CCDC146: variants seen among roughly 807,000 people sequenced by gnomAD.
The protein encoded by CCDC146 is coiled-coil domain containing 146, also known as coiled-coil domain-containing protein 146.
A neutral mutation model predicts 119.3 loss-of-function variants in CCDC146; 92 were observed. The ratio of observed to expected loss-of-function variants is 0.77; its 90% CI spans 0.65 to 0.92. CCDC146 has a LOEUF of 0.92. Ranked by LOEUF, CCDC146 falls within the 40% of genes least tolerant of loss-of-function variation. The pLI is 0.00. For synonymous variants in CCDC146, 372 were observed against 371.8 expected (o/e 1.00, Z -0.01); for missense variants, 1,000 against 1,103.0 (o/e 0.91, Z 1.32).
At chr7:77,250,959 T>G (rs1293929945) in intron 4 of CCDC146, among the ~76,000 whole-genome samples, 6 of 149,490 alleles carry the variant, frequency 4.0e-5, no homozygotes, top group Non-Finnish European at 7.4e-5. Flanking sequence ...TACAGTGATT[T>G]TGATCTCTGG....
chr7:77,125,444 T>C (rs937522180), intron 1 of CCDC146, among the ~76,000 whole-genome samples: 13 of 151,878 alleles, frequency 8.6e-5, no homozygotes, highest in Admixed American at 8.5e-4. Flanking sequence ...ACAGTTGTTA[T>C]CTTTAAGCAG....
intron 1 of CCDC146, among the ~76,000 whole-genome samples, chr7:77,135,602 A>T (rs1790850803): frequency 6.6e-6 from 1 of 152,208 alleles, no homozygotes; most frequent in South Asian, 2.1e-4. Flanking sequence ...TGGTTTTGTT[A>T]TGCATTGTCT....
rs1356579216 is a variant in CCDC146, at chr7:77,280,533, A to C, written c.1799A>C (p.Glu600Ala). ...KIVSKLQEMK[E>A]KKEAQLNNID... ...GTATCAAAACTTCAGGAAATGAAAG[A>C]AAAGAAGGAAGCCCAGTTAAATAAC... is the stretch of plus-strand genomic sequence containing the variant. The change falls in exon 14 of 19, where the codon GAA becomes GCA. Residue 600 changes from glutamate (E) to alanine (A), a missense_variant. Physicochemically the swap from Glu to Ala is moderately radical, Grantham distance 107. Coordinates refer to ENST00000285871, the MANE Select transcript of CCDC146 (RefSeq NM_020879.3). 1.2e-6 allele frequency: 2 copies of C among 1,614,086 alleles called. No homozygotes were observed. The highest frequency in any genetic ancestry group is 1.7e-6 in the Non-Finnish European group (2 of 1,180,026).
intron 2 of CCDC146, chr7:77,195,751 G>T: frequency 6.5e-6 from 1 of 152,942 alleles, no homozygotes; most frequent in Non-Finnish European, 1.5e-5. Flanking sequence ...CTTCCTCTCA[G>T]GTTCAAGCGA....
In CCDC146 at chr7:77,156,521, A is replaced by T. The variant is rs548282177; in HGVS notation, c.-11-11137A>T. 9.9e-4 allele frequency among the ~76,000 whole-genome samples: 151 copies of T among 152,036 alleles called. 4 individuals carry two copies. The highest frequency in any genetic ancestry group is 3.3e-3 in the African/African-American group (135 of 41,520). ...GAATAACATTTTTACTTTCTTTTTT[A>T]AAAAAAGCATCTCCATAAATATATA... On this transcript the variant is annotated intron_variant, in intron 1 of 18. Coordinates refer to ENST00000285871, the MANE Select transcript of CCDC146 (RefSeq NM_020879.3).
At chr7:77,149,273 A>G (rs1791071485) in intron 1 of CCDC146, among the ~76,000 whole-genome samples, 1 of 152,228 alleles carries the variant, frequency 6.6e-6, no homozygotes, top group Non-Finnish European at 1.5e-5. Flanking sequence ...CTGGCTAGCC[A>G]TATGCAGAAA....
At chr7:77,170,147 GTC>G (rs924591656) in intron 2 of CCDC146, among the ~76,000 whole-genome samples, 1 of 152,096 alleles carries the variant, frequency 6.6e-6, no homozygotes, top group African/African-American at 2.4e-5. Flanking sequence ...CTCTCTAGTA[GTC>G]TGCAGTGTCT....
At position 77,278,498 on chromosome 7, in the gene CCDC146, C is replaced by T. The variant is rs112082981; in HGVS notation, c.1441-254C>T. Among the ~76,000 whole-genome samples, 9 of 130,570 alleles carry T rather than the reference C, an allele frequency of 6.9e-5. 1 individual carries two copies. The highest frequency in any genetic ancestry group is 2.9e-4 in the Admixed American group (3 of 10,404). The allele number at this position is 130,570 out of a possible 152,430, so 85.7% of individuals were successfully genotyped here. On this transcript the variant is annotated intron_variant, in intron 11 of 18. Coordinates refer to ENST00000285871, the MANE Select transcript of CCDC146 (RefSeq NM_020879.3). ...TCTTACTTTGTCGCCCAGGCTGGAG[C>T]GGAGTGATGCAATCATGGCTCACTG... is the stretch of plus-strand genomic sequence containing the variant.
At chr7:77,124,766 T>C (rs1275341598) in intron 1 of CCDC146, among the ~76,000 whole-genome samples, 1 of 152,212 alleles carries the variant, frequency 6.6e-6, no homozygotes, top group African/African-American at 2.4e-5. Flanking sequence ...TAGAGTTCAA[T>C]TCAGCAATAA....
chr7:77,218,295 TTTATATA>T (rs1792335614), intron 2 of CCDC146, among the ~76,000 whole-genome samples: 1 of 149,994 alleles, frequency 6.7e-6, no homozygotes, highest in African/African-American at 2.4e-5. Context: ...ATATATAAAT[TTTATATA>T]TTAAATATTA....
At chr7:77,260,849 C>T (rs547716308) in intron 8 of CCDC146, among the ~76,000 whole-genome samples, 3 of 152,138 alleles carry the variant, frequency 2.0e-5, no homozygotes, top group East Asian at 1.9e-4. Flanking sequence ...CAGGTGGTCT[C>T]GATCTCTTGA....
intron 1 of CCDC146, among the ~76,000 whole-genome samples, chr7:77,145,013 C>T (rs1215799631): frequency 6.6e-6 from 1 of 151,678 alleles, no homozygotes; most frequent in Non-Finnish European, 1.5e-5. Context: ...CTCCTAGTAC[C>T]TCTGGTAGAA....
chr7:77,233,339 G>A (rs575382080), intron 2 of CCDC146, among the ~76,000 whole-genome samples: 2 of 152,112 alleles, frequency 1.3e-5, no homozygotes, highest in South Asian at 2.1e-4. Flanking sequence ...TGATCTGCCC[G>A]CCTCAGCCTC....
chr7:77,258,021 T>A (rs1793213787), intron 6 of CCDC146: 1 of 152,176 alleles, frequency 6.6e-6, no homozygotes, highest in African/African-American at 2.4e-5. Context: ...CTAAGGAGAA[T>A]CCTATAGGAG....
intron 1 of CCDC146, among the ~76,000 whole-genome samples, chr7:77,141,875 T>G (rs1476362235): frequency 6.6e-6 from 1 of 152,146 alleles, no homozygotes; most frequent in African/African-American, 2.4e-5. Context: ...GCCTGTTCAC[T>G]GTGATGATAG....
intron 3 of CCDC146, among the ~76,000 whole-genome samples, chr7:77,241,315 C>T (rs144726047): frequency 0.027 from 2,600 of 94,850 alleles, 592 homozygotes; most frequent in African/African-American, 0.067. Context: ...CCTCGGCCTC[C>T]CAAAGTGCTG....
At chr7:77,238,459 C>G (rs569365952) in intron 3 of CCDC146, among the ~76,000 whole-genome samples, 43 of 152,208 alleles carry the variant, frequency 2.8e-4, no homozygotes, top group African/African-American at 9.6e-4. Flanking sequence ...CTCTGTCACC[C>G]AGGCTGGAGT....
At chr7:77,127,168 G>A (rs982715663) in intron 1 of CCDC146, among the ~76,000 whole-genome samples, 1 of 152,104 alleles carries the variant, frequency 6.6e-6, no homozygotes. Context: ...GGGAGCTCCC[G>A]CAGGCCAACT....
intron 1 of CCDC146, among the ~76,000 whole-genome samples, chr7:77,160,247 T>C (rs913836438): frequency 7.2e-5 from 11 of 152,208 alleles, no homozygotes; most frequent in African/African-American, 1.7e-4. Context: ...GACTTGGCGA[T>C]GTGGGCTCTT....
Sources: allele counts gnomAD v4.1 joint callset (sites outside exome capture counted in the v4.1 genomes callset), GRCh38; gene constraint gnomAD v4.1.1; transcripts MANE v1.5; gene names NCBI Gene and HGNC (gene_info 2026-07-23, HGNC 2026-07-21).